ADGRE2: variants seen among roughly 807,000 people sequenced by gnomAD.
ADGRE2 encodes CD97 antigen.
A neutral mutation model predicts 100.8 loss-of-function variants in ADGRE2; 83 were observed. The ratio of observed to expected loss-of-function variants is 0.82; its 90% CI spans 0.69 to 0.99. The LOEUF is 0.99. Ranked by LOEUF, ADGRE2 falls within the 50% of genes least tolerant of loss-of-function variation. ADGRE2 has a pLI of 0.00. For synonymous variants in ADGRE2, 355 were observed against 413.0 expected, an observed-to-expected ratio of 0.86 and a Z score of 1.70; for missense variants, 814 against 1,035.7, an observed-to-expected ratio of 0.79 and a Z score of 2.94.
rs1054978772 is a variant in ADGRE2, at chr19:14,765,810, G to A, written c.635-6C>T. On this transcript the variant is annotated splice_region_variant and splice_polypyrimidine_tract_variant and intron_variant, in intron 7 of 20. Coordinates refer to ENST00000315576, the MANE Select transcript of ADGRE2 (RefSeq NM_013447.4). ...GGAGCTGCACTCGTCCACATCTGAGGACAGGAAGAAGGGGGTCAGGTCCTG... is the reference window on the plus strand; with the variant it reads ...GGAGCTGCACTCGTCCACATCTGAGAACAGGAAGAAGGGGGTCAGGTCCTG... The A allele has an allele frequency of 1.2e-5, 19 of 1,612,090 alleles. No homozygotes were observed. Among genetic ancestry groups the A allele is most frequent in the Middle Eastern group, 1.7e-4 (1 of 6,036 alleles).
Position 14,733,963 on chromosome 19 carries a change from G to C in ADGRE2, c.*2273C>G, listed in dbSNP as rs2732796. On this transcript the variant is annotated 3_prime_UTR_variant, in exon 21 of 21. Transcript: ENST00000315576. ...AAATCAATACTCATTGAGCTTATAC[G>C]GACAGGCACAGAGCAGTGAAAAATG... 6.6e-6 allele frequency: 1 copy of C among 152,038 alleles called. No homozygotes were observed. The highest frequency in any genetic ancestry group is 1.5e-5 in the Non-Finnish European group (1 of 68,014). 9.4% of individuals were successfully genotyped at this position (152,038 alleles called of 1,614,324 possible). A position where few individuals can be genotyped will look rare whatever the true frequency, so the allele number is the denominator to read the frequency against.
In ADGRE2 at chr19:14,755,528, G is replaced by T. The variant is rs1235160449; in HGVS notation, c.1416+126C>A. 21 of 844,718 alleles carry T rather than the reference G, an allele frequency of 2.5e-5. No homozygotes were observed. In the East Asian group the frequency reaches 4.6e-4, roughly 19 times the overall value. 52.3% of individuals were successfully genotyped at this position (844,718 alleles called of 1,614,324 possible). On this transcript the variant is annotated intron_variant, in intron 13 of 20. Coordinates refer to ENST00000315576, the MANE Select transcript of ADGRE2 (RefSeq NM_013447.4). ...GCTTACCCAAAGCCGGCTTGGGAAG[G>T]ACTGACTTTCCTGGGGAGATAATGT...
Position 14,755,881 on chromosome 19 carries a change from C to T in ADGRE2, c.1193-4G>A. ...ACAAGGCCCACCACAGAAGGGCCTG[C>T]AGGGCGAGGCCAAGGTTGAATCTTG... On this transcript the variant is annotated splice_polypyrimidine_tract_variant and splice_region_variant and intron_variant, in intron 12 of 20. Coordinates refer to ENST00000315576, the MANE Select transcript of ADGRE2 (RefSeq NM_013447.4). The T allele has an allele frequency of 1.2e-6, 2 of 1,612,474 alleles. No homozygotes were observed. Among genetic ancestry groups the T allele is most frequent in the Non-Finnish European group, 1.7e-6 (2 of 1,179,030 alleles).
At chr19:14,729,199 A>T (rs907967239), downstream of ADGRE2, among the ~76,000 whole-genome samples, 1 of 152,154 alleles carries the variant, frequency 6.6e-6, no homozygotes, top group Non-Finnish European at 1.5e-5. Context: ...CGAGAGATTC[A>T]TTGCATCCTA....
intron 16 of ADGRE2, 65 bp from the exon 17 acceptor site, chr19:14,747,027 T>C (rs907856253): frequency 7.3e-7 from 1 of 1,361,172 alleles, no homozygotes; most frequent in Non-Finnish European, 1.0e-6. Flanking sequence ...TATGTAAATC[T>C]ATTCCATCCC....
rs200942496 is a variant in ADGRE2, at chr19:14,746,953, G to A, written c.2034C>T (p.Leu678=). Residue 678 remains leucine (L), a synonymous_variant, in exon 17 of 21, where the codon CTC becomes CTT. Coordinates refer to ENST00000315576, the MANE Select transcript of ADGRE2 (RefSeq NM_013447.4). ...HLYGTPSRCW[L]QPEKGFIWGF... is the part of the protein sequence containing the mutation. ...CCCATATAAATCCCTTTTCTGGTTGGAGCCAGCAGCTGAAAAAAGAGAGAT... is the reference window on the plus strand; with the variant it reads ...CCCATATAAATCCCTTTTCTGGTTGAAGCCAGCAGCTGAAAAAAGAGAGAT... The A allele has an allele frequency of 1.4e-5, 22 of 1,612,306 alleles. No individual in the cohort carries two copies. In the East Asian group the frequency reaches 4.5e-4, roughly 33 times the overall value.
chr19:14,775,309 A>T (rs1334690732), intron 2 of ADGRE2, among the ~76,000 whole-genome samples: 1 of 151,910 alleles, frequency 6.6e-6, no homozygotes, highest in African/African-American at 2.4e-5. Flanking sequence ...CTGGCCAAAA[A>T]AATTAAAAAT....
chr19:14,765,794 C>T lies in ADGRE2; in HGVS notation c.645G>A (p.Glu215=). The T allele has an allele frequency of 2.5e-6, 4 of 1,613,422 alleles. No homozygotes were observed. Among genetic ancestry groups the T allele is most frequent in the Non-Finnish European group, 3.4e-6 (4 of 1,179,450 alleles). The change falls in exon 8 of 21, where the codon GAG becomes GAA. Residue 215 remains glutamate, a synonymous_variant. Transcript: ENST00000315576. The part of the protein sequence containing the change: ...PNNTVCEDVD[E]CSSGQHQCDS... The stretch of plus-strand genomic sequence containing the variant: ...CACACTGATGCTGCCCGGAGCTGCA[C>T]TCGTCCACATCTGAGGACAGGAAGA...
chr19:14,725,817 T>G, the ADGRE2 span, among the ~76,000 whole-genome samples: 1 of 152,196 alleles, frequency 6.6e-6, no homozygotes, highest in Non-Finnish European at 1.5e-5. Flanking sequence ...GCTGCTCTTA[T>G]GGGTTGGAGT....
chr19:14,763,995 C>T (rs1008510798), intron 11 of ADGRE2, among the ~76,000 whole-genome samples: 2 of 144,846 alleles, frequency 1.4e-5, no homozygotes, highest in African/African-American at 2.6e-5. Context: ...CCTTTTTCTT[C>T]CTCTTTATCC....
chr19:14,766,151 A>G (rs1455959238), intron 7 of ADGRE2, 84 bp downstream of exon 7: 1 of 1,604,476 alleles, frequency 6.2e-7, no homozygotes, highest in South Asian at 1.1e-5. Flanking sequence ...TCCAGCGCTC[A>G]TTCTGCTTGG....
chr19:14,729,673 A>G (rs891503636), downstream of ADGRE2, among the ~76,000 whole-genome samples: 35 of 152,294 alleles, frequency 2.3e-4, no homozygotes, highest in African/African-American at 8.4e-4. Flanking sequence ...TCAGTTAGAC[A>G]GGAGGAAGAA....
At chr19:14,768,585 G>A (rs1210980404) in intron 5 of ADGRE2, among the ~76,000 whole-genome samples, 2 of 152,138 alleles carry the variant, frequency 1.3e-5, no homozygotes, top group African/African-American at 4.8e-5. Context: ...AGAGGATCAG[G>A]CTTGGAGCAA....
chr19:14,772,352 G>A lies in ADGRE2; in HGVS notation c.345C>T (p.Asn115=), dbSNP rs2044241495. Residue 115 remains asparagine (N), a synonymous_variant, in exon 5 of 21, where the codon AAC becomes AAT. Coordinates refer to ENST00000315576, the MANE Select transcript of ADGRE2 (RefSeq NM_013447.4). The part of the protein sequence containing the change: ...GAKTFKNESE[N]TCQDVDECQQ... Reference sequence around the variant, plus strand: ...TGGGGTGGTTCTTACCTTGACACGTGTTCTCGCTCTCATTCTTGAATGTTT... The same window carrying A: ...TGGGGTGGTTCTTACCTTGACACGTATTCTCGCTCTCATTCTTGAATGTTT... The A allele has an allele frequency of 2.5e-6, 4 of 1,614,006 alleles. No homozygotes were observed. Among genetic ancestry groups the A allele is most frequent in the East Asian group, 4.5e-5 (2 of 44,884 alleles).
chr19:14,773,088 AAAAAAAAAAAC>A (rs2044273016), intron 4 of ADGRE2, among the ~76,000 whole-genome samples: 2 of 146,912 alleles, frequency 1.4e-5, no homozygotes, highest in African/African-American at 5.1e-5. Context: ...CTCAAAAAAA[AAAAAAAAAAAC>A]AAAAAAAAAA....
chr19:14,727,275 G>T, the ADGRE2 span, among the ~76,000 whole-genome samples: 1 of 152,050 alleles, frequency 6.6e-6, no homozygotes, highest in Non-Finnish European at 1.5e-5. Context: ...TGATCCGCCC[G>T]CCTTGGCCTC....
intron 5 of ADGRE2, chr19:14,768,756 C>A: frequency 6.6e-6 from 1 of 152,446 alleles, no homozygotes; most frequent in Non-Finnish European, 1.5e-5. Flanking sequence ...AGGGTCAGGG[C>A]AGTCTCGCTC....
Position 14,735,440 on chromosome 19 carries a change from A to G in ADGRE2, c.*796T>C, listed in dbSNP as rs2042729826. On this transcript the variant is annotated 3_prime_UTR_variant, in exon 21 of 21. Transcript: ENST00000315576. Reference sequence around the variant, plus strand: ...AATTTCTGTTCAAGGAAAGCAGATAACAGACAGGGTTAAGGGCATTTGCTT... The same window carrying G: ...AATTTCTGTTCAAGGAAAGCAGATAGCAGACAGGGTTAAGGGCATTTGCTT... 1 of 152,246 alleles carries G rather than the reference A, an allele frequency of 6.6e-6. No homozygotes were observed. Among genetic ancestry groups the G allele is most frequent in the Non-Finnish European group, 1.5e-5 (1 of 68,060 alleles). The allele number at this position is 152,246 out of a possible 1,614,324, so 9.4% of individuals were successfully genotyped here. A position where few individuals can be genotyped will look rare whatever the true frequency, so the allele number is the denominator to read the frequency against.
At chr19:14,775,575 A>G (rs115805482) in intron 2 of ADGRE2, among the ~76,000 whole-genome samples, 4,468 of 151,902 alleles carry the variant, frequency 0.029, 259 homozygotes, top group African/African-American at 0.1. Context: ...AAATGAAGGC[A>G]TGGTCAGGCA....
Sources: gnomAD v4.1 joint callset for allele counts (sites outside exome capture counted in the v4.1 genomes callset) on GRCh38, gnomAD v4.1.1 for gene constraint, MANE v1.5 for transcripts, NCBI Gene and HGNC (gene_info 2026-07-23, HGNC 2026-07-21) for gene names.